Variants in FER1L6 observed in about 807,000 individuals in gnomAD.
FER1L6 encodes the protein fer-1 like family member 6.
Under a neutral mutation model 219.2 loss-of-function variants are expected in FER1L6, and 177 were observed. The observed-to-expected ratio is 0.81, with a 90% CI of 0.71 to 0.91. FER1L6 has a LOEUF of 0.91. FER1L6 is among the 40% of genes least tolerant of loss of function. The pLI is 0.00. For missense variants in FER1L6, 2,153 were observed against 2,259.9 expected (o/e 0.95, Z 0.96); for synonymous variants, 768 against 824.3 (o/e 0.93, Z 1.17).
intron 21 of FER1L6, among the ~76,000 whole-genome samples, chr8:124,049,216 T>C (rs1819882878): frequency 6.6e-6 from 1 of 151,922 alleles, no homozygotes; most frequent in African/African-American, 2.4e-5. Flanking sequence ...CCCAACTAAT[T>C]TTTGTATTTT....
At chr8:123,956,498 A>C (rs1298676638) in intron 2 of FER1L6, among the ~76,000 whole-genome samples, 1 of 152,228 alleles carries the variant, frequency 6.6e-6, no homozygotes, top group African/African-American at 2.4e-5. Context: ...GAGGCTTCAC[A>C]CACAACATCT....
At chr8:123,879,327 A>G (rs948942591) in intron 1 of FER1L6, among the ~76,000 whole-genome samples, 5 of 151,906 alleles carry the variant, frequency 3.3e-5, no homozygotes, top group Non-Finnish European at 7.4e-5. Context: ...TATTATTATT[A>G]TTTTTATTTA....
chr8:123,962,424 A>G (rs1815330999), intron 2 of FER1L6, among the ~76,000 whole-genome samples: 3 of 152,104 alleles, frequency 2.0e-5, no homozygotes, highest in South Asian at 2.1e-4. Flanking sequence ...ATAGGAGTGC[A>G]TGACTTAAGC....
At chr8:123,909,833 T>C (rs1199395755) in intron 1 of FER1L6, among the ~76,000 whole-genome samples, 2 of 151,946 alleles carry the variant, frequency 1.3e-5, no homozygotes, top group East Asian at 3.9e-4. Context: ...ACAGAGGACA[T>C]GAAAGGGAGG....
intron 11 of FER1L6, among the ~76,000 whole-genome samples, chr8:123,982,546 CTTG>C (rs1278364923): frequency 6.6e-6 from 1 of 152,146 alleles, no homozygotes; most frequent in Non-Finnish European, 1.5e-5. Context: ...ATCTTGGCTT[CTTG>C]TTGGTGGCCA....
intron 19 of FER1L6, among the ~76,000 whole-genome samples, chr8:124,037,052 C>T (rs1819249202): frequency 1.3e-5 from 2 of 152,158 alleles, no homozygotes; most frequent in African/African-American, 4.8e-5. Context: ...AGCCATAGCA[C>T]AAGAGGTGTA....
At position 124,067,230 on chromosome 8, in the gene FER1L6, G is replaced by C. The variant is rs369438589; in HGVS notation, c.3679-537G>C. 1.4e-3 allele frequency among the ~76,000 whole-genome samples: 216 copies of C among 152,296 alleles called. 1 individual carries two copies. The highest frequency in any genetic ancestry group is 4.9e-3 in the African/African-American group (203 of 41,566). ...TCTTTAGTTTGGAAAGGCTATGGTTGCATCTAGGACTATTTCTCAAATATT... is the reference window on the plus strand; with the variant it reads ...TCTTTAGTTTGGAAAGGCTATGGTTCCATCTAGGACTATTTCTCAAATATT... On this transcript the variant is annotated intron_variant, in intron 27 of 40. Transcript: ENST00000522917.
In FER1L6 at chr8:124,082,385, A is replaced by G. The variant is rs762534192; in HGVS notation, c.4318A>G (p.Thr1440Ala). 1.2e-6 allele frequency: 2 copies of G among 1,614,094 alleles called. No individual in the cohort carries two copies. The highest frequency in any genetic ancestry group is 1.7e-6 in the Non-Finnish European group (2 of 1,179,972). ...MIGTDDLIGE[T>A]KIDLENRFYS... ...TGGCACAGATGACCTTATTGGTGAG[A>G]CCAAGATCGACCTGGAGAACCGCTT... The change falls in exon 33 of 41, where the codon ACC (threonine) becomes GCC (alanine). Residue 1440 changes from threonine (T) to alanine (A), a missense_variant. Coordinates refer to ENST00000522917, the MANE Select transcript of FER1L6 (RefSeq NM_001039112.2).
chr8:123,924,599 G>A (rs1391495081), intron 1 of FER1L6, among the ~76,000 whole-genome samples: 1 of 152,144 alleles, frequency 6.6e-6, no homozygotes, highest in African/African-American at 2.4e-5. Flanking sequence ...CGGTTAATCA[G>A]GGCACACTCT....
Position 123,980,800 on chromosome 8 carries a change from G to C in FER1L6, c.1399G>C (p.Val467Leu). The change falls in exon 11 of 41, where the codon GTC becomes CTC. Residue 467 changes from valine to leucine, a missense_variant. Physicochemically the swap from Val to Leu is conservative, Grantham distance 32. Coordinates refer to ENST00000522917, the MANE Select transcript of FER1L6 (RefSeq NM_001039112.2). ...CGAGGTGGAGGTGGAATCGTTCGATGTCCCCCCGGAGGTAGGTCTAGGCAC... is the reference window on the plus strand; with the variant it reads ...CGAGGTGGAGGTGGAATCGTTCGATCTCCCCCCGGAGGTAGGTCTAGGCAC... ...STEVEVESFD[V>L]PPEIVPEKNE... 1 of 1,613,342 alleles carries C rather than the reference G, an allele frequency of 6.2e-7. No homozygotes were observed. Among genetic ancestry groups the C allele is most frequent in the African/African-American group, 1.3e-5 (1 of 75,016 alleles).
intron 1 of FER1L6, among the ~76,000 whole-genome samples, chr8:123,864,038 T>G (rs1317711199): frequency 4.7e-4 from 69 of 147,200 alleles, no homozygotes; most frequent in African/African-American, 1.5e-3. Context: ...GTTAGCTGGT[T>G]ATTTTGCTCG....
intron 1 of FER1L6, among the ~76,000 whole-genome samples, chr8:123,904,178 C>T (rs1420087308): frequency 1.3e-5 from 2 of 150,580 alleles, no homozygotes; most frequent in African/African-American, 4.9e-5. Flanking sequence ...ATGCTGAATC[C>T]TGAGTGACAG....
chr8:124,105,149 G>A (rs1822714659), intron 39 of FER1L6, among the ~76,000 whole-genome samples: 1 of 152,234 alleles, frequency 6.6e-6, no homozygotes. Flanking sequence ...AAACTAAGTT[G>A]AAACTTGATG....
rs187957766 is a variant in FER1L6 at position 123,891,048 on chromosome 8, A to G, written c.-8+38863A>G. Among the ~76,000 whole-genome samples, 658 of 152,208 alleles carry G rather than the reference A, an allele frequency of 4.3e-3. 7 individuals carry two copies. The highest frequency in any genetic ancestry group is 6.2e-3 in the Non-Finnish European group (424 of 67,976). ...ATTGATTAGAATTTCTCTCAAACTA[A>G]TTTAGTTGTGTTCATCATTATTTAA... On this transcript the variant is annotated intron_variant, in intron 1 of 40. Transcript: ENST00000522917.
chr8:124,057,462 G>A (rs553936152), intron 22 of FER1L6, among the ~76,000 whole-genome samples: 1 of 151,980 alleles, frequency 6.6e-6, no homozygotes, highest in South Asian at 2.1e-4. Flanking sequence ...TTTTCATCTT[G>A]TCGGATTTTA....
At chr8:123,909,976 T>G (rs1813023490) in intron 1 of FER1L6, among the ~76,000 whole-genome samples, 1 of 152,178 alleles carries the variant, frequency 6.6e-6, no homozygotes, top group Admixed American at 6.5e-5. Flanking sequence ...GACAAACCAT[T>G]TTTAGCTTGG....
intron 1 of FER1L6, among the ~76,000 whole-genome samples, chr8:123,936,335 A>C (rs1363052420): frequency 1.3e-5 from 2 of 152,202 alleles, no homozygotes; most frequent in African/African-American, 4.8e-5. Context: ...CCTCCCCGAC[A>C]GTGTGGTGTC....
rs567335695 is a variant in FER1L6 at position 123,885,324 on chromosome 8, C to G, written c.-8+33139C>G. 4.2e-3 allele frequency among the ~76,000 whole-genome samples: 633 copies of G among 152,304 alleles called. 3 individuals carry two copies. The highest frequency in any genetic ancestry group is 0.01 in the Middle Eastern group (3 of 294). Reference sequence around the variant, plus strand: ...TGGTCTACCTGTCTTCTTGCCTCACCCTTCTGGGGCATTTCTGGTCACCTG... The same window carrying G: ...TGGTCTACCTGTCTTCTTGCCTCACGCTTCTGGGGCATTTCTGGTCACCTG... On this transcript the variant is annotated intron_variant, in intron 1 of 40. Coordinates refer to ENST00000522917, the MANE Select transcript of FER1L6 (RefSeq NM_001039112.2).
chr8:123,860,111 C>T (rs2130251398), intron 1 of FER1L6, among the ~76,000 whole-genome samples: 1 of 115,806 alleles, frequency 8.6e-6, no homozygotes, highest in African/African-American at 3.6e-5. Context: ...GGTATATCTC[C>T]CAATGCTATC....
Sources: allele counts gnomAD v4.1 joint callset (sites outside exome capture counted in the v4.1 genomes callset), GRCh38; gene constraint gnomAD v4.1.1; transcripts MANE v1.5; gene names NCBI Gene and HGNC (gene_info 2026-07-23, HGNC 2026-07-21).